CUX1: variants seen among roughly 807,000 people sequenced by gnomAD.
CUX1 encodes the protein protein CASP.
In CUX1, 31 loss-of-function variants were observed where a neutral mutation model predicts 158.8. That is an observed-to-expected ratio of 0.20 (90% CI 0.15 to 0.26). The LOEUF (loss-of-function observed/expected upper bound fraction) is 0.26, where lower values mean the gene tolerates loss of function less well. Among genes scored for constraint, CUX1 ranks in the 10% least tolerant of loss-of-function variants. CUX1 has a pLI of 1.00. For missense variants in CUX1, 1,589 were observed against 2,014.6 expected, an observed-to-expected ratio of 0.79 and a Z score of 4.04; for synonymous variants, 879 against 862.1, an observed-to-expected ratio of 1.02 and a Z score of -0.34.
intron 1 of CUX1, among the ~76,000 whole-genome samples, chr7:101,867,213 T>C (rs1184134605): frequency 1.3e-5 from 2 of 152,070 alleles, no homozygotes; most frequent in East Asian, 3.9e-4. Context: ...CAAGACTCTG[T>C]CTTGAAAAAA....
intron 2 of CUX1, among the ~76,000 whole-genome samples, chr7:101,984,088 AAATAT>A (rs1227658801): frequency 5.5e-4 from 5 of 9,150 alleles, no homozygotes; most frequent in African/African-American, 2.5e-3. Flanking sequence ...AAAAAAAAAA[AAATAT>A]ATATATATAT....
intron 1 of CUX1, among the ~76,000 whole-genome samples, chr7:101,907,137 A>G (rs1211967089): frequency 6.6e-6 from 1 of 152,150 alleles, no homozygotes; most frequent in African/African-American, 2.4e-5. Context: ...TGGTTCTCAA[A>G]CTTATGAAAT....
downstream of CUX1, among the ~76,000 whole-genome samples, chr7:102,261,523 C>T (rs1260844924): frequency 5.3e-5 from 8 of 150,452 alleles, no homozygotes; most frequent in East Asian, 2.0e-4. Flanking sequence ...AATACCAATA[C>T]GAAGAGCCCT....
intron 2 of CUX1, among the ~76,000 whole-genome samples, chr7:102,011,795 G>A (rs1818062755): frequency 6.6e-6 from 1 of 152,094 alleles, no homozygotes; most frequent in Non-Finnish European, 1.5e-5. Flanking sequence ...CAGGGTGAGA[G>A]GATTTTTATT....
rs556812307 is a variant in CUX1 at position 102,191,223 on chromosome 7, T to C, written c.1076+1352T>C. 2.0e-5 allele frequency among the ~76,000 whole-genome samples: 3 copies of C among 152,314 alleles called. No homozygotes were observed. In the East Asian group the frequency reaches 5.8e-4, roughly 29 times the overall value. On this transcript the variant is annotated intron_variant, in intron 12 of 23. Coordinates refer to ENST00000292535, the MANE Select transcript of CUX1 (RefSeq NM_181552.4). The stretch of plus-strand genomic sequence containing the variant: ...AACAGTTCCAGCCTCTGTAACTTAC[T>C]TACTTGCTTGCTTACTTATTTATTT...
Position 102,178,693 on chromosome 7 carries a change from A to G in CUX1, c.1017+36A>G, listed in dbSNP as rs782760590. 2.7e-5 allele frequency: 42 copies of G among 1,544,066 alleles called. No individual in the cohort carries two copies. In the African/African-American group the frequency reaches 5.2e-4, roughly 19 times the overall value. ...TGCGGGGCCCGGGGGTGGCCCGAGG[A>G]GGCAGGGCGGATGGCTGGACACACG... On this transcript the variant is annotated intron_variant, in intron 11 of 23. Coordinates refer to ENST00000292535, the MANE Select transcript of CUX1 (RefSeq NM_181552.4).
intron 1 of CUX1, among the ~76,000 whole-genome samples, chr7:101,827,868 G>A (rs1251045894): frequency 3.3e-5 from 5 of 152,058 alleles, no homozygotes; most frequent in Admixed American, 1.3e-4. Context: ...AGGAGTCTGA[G>A]GAGGAAGAGG....
intron 2 of CUX1, among the ~76,000 whole-genome samples, chr7:101,973,409 C>T (rs935146837): frequency 7.2e-5 from 11 of 152,176 alleles, no homozygotes; most frequent in African/African-American, 2.7e-4. Flanking sequence ...CCGCAGCAAG[C>T]CAGTGCAACG....
intron 1 of CUX1, among the ~76,000 whole-genome samples, chr7:101,851,532 G>A (rs1796266458): frequency 6.6e-6 from 1 of 152,196 alleles, no homozygotes; most frequent in Non-Finnish European, 1.5e-5. Context: ...GATCCGACAA[G>A]ATCTTCTTTA....
At chr7:102,129,348 A>C (rs1229685219) in intron 8 of CUX1, among the ~76,000 whole-genome samples, 1 of 151,846 alleles carries the variant, frequency 6.6e-6, no homozygotes, top group Non-Finnish European at 1.5e-5. Flanking sequence ...AGTTCAAACC[A>C]TTGCACAGCT....
intron 20 of CUX1, among the ~76,000 whole-genome samples, chr7:102,216,805 C>G (rs1413928506): frequency 4.3e-5 from 2 of 46,142 alleles, no homozygotes; most frequent in African/African-American, 9.6e-5. Flanking sequence ...CCCACACACA[C>G]CCCCACACAC....
chr7:101,944,786 G>A lies in CUX1; in HGVS notation c.141+28561G>A, dbSNP rs190080621. Reference sequence around the variant, plus strand: ...TGGAGGATGCTGCAGACCTGCAGCGGTCACCTCGGGCCACCCAGGGAGCAG... The same window carrying A: ...TGGAGGATGCTGCAGACCTGCAGCGATCACCTCGGGCCACCCAGGGAGCAG... On this transcript the variant is annotated intron_variant, in intron 2 of 23. Coordinates refer to ENST00000292535, the MANE Select transcript of CUX1 (RefSeq NM_181552.4). 2.2e-4 allele frequency among the ~76,000 whole-genome samples: 34 copies of A among 152,322 alleles called. 1 individual carries two copies. The highest frequency in any genetic ancestry group is 7.7e-4 in the African/African-American group (32 of 41,574).
chr7:102,111,567 G>A, intron 6 of CUX1, 131 bp from the exon 7 acceptor site: 1 of 753,278 alleles, frequency 1.3e-6, no homozygotes, highest in South Asian at 1.6e-5. Flanking sequence ...ACGTGTCGTT[G>A]CGGGCGATAC....
At chr7:101,943,688 T>TA (rs199615136) in intron 2 of CUX1, among the ~76,000 whole-genome samples, 218 of 144,946 alleles carry the variant, frequency 1.5e-3, no homozygotes, top group African/African-American at 2.2e-3. Flanking sequence ...GCTTTAAAAT[T>TA]TAAAAAAAAA....
At chr7:101,927,242 T>C (rs1805697327) in intron 2 of CUX1, among the ~76,000 whole-genome samples, 1 of 151,476 alleles carries the variant, frequency 6.6e-6, no homozygotes, top group Non-Finnish European at 1.5e-5. Flanking sequence ...AGCAGTGGAG[T>C]CCCCCACATT....
chr7:102,196,517 A>C, intron 14 of CUX1, 117 bp from the exon 15 acceptor site: 1 of 1,000,872 alleles, frequency 1.0e-6, no homozygotes, highest in South Asian at 2.2e-5. Context: ...TTGTAAAAAA[A>C]ACCTGCACTT....
At chr7:102,093,621 A>G (rs1828884516) in intron 4 of CUX1, among the ~76,000 whole-genome samples, 2 of 152,234 alleles carry the variant, frequency 1.3e-5, no homozygotes, top group East Asian at 3.9e-4. Flanking sequence ...TCTGACTGTA[A>G]TGGCTGGAAT....
chr7:102,136,617 C>T (rs1554498835), intron 8 of CUX1, among the ~76,000 whole-genome samples: 1 of 152,162 alleles, frequency 6.6e-6, no homozygotes, highest in East Asian at 1.9e-4. Flanking sequence ...TCTGAAACTC[C>T]TGACGTCATG....
At chr7:102,197,434 T>A (rs1459419893) in intron 15 of CUX1, 129 bp downstream of exon 15, 2 of 1,169,454 alleles carry the variant, frequency 1.7e-6, no homozygotes, top group Non-Finnish European at 2.4e-6. Flanking sequence ...AAAGTTCTCT[T>A]TGCTTCTGCC....
Sources: gnomAD v4.1 joint callset for allele counts (sites outside exome capture counted in the v4.1 genomes callset) on GRCh38, gnomAD v4.1.1 for gene constraint, MANE v1.5 for transcripts, NCBI Gene and HGNC (gene_info 2026-07-23, HGNC 2026-07-21) for gene names.